Variants in COL6A5 observed in about 807,000 individuals in gnomAD.
The protein encoded by COL6A5 is collagen alpha-5(VI) chain.
A neutral mutation model predicts 65.6 loss-of-function variants in COL6A5; 48 were observed. That is an observed-to-expected ratio of 0.73 (90% CI 0.58 to 0.93). The LOEUF is 0.93. COL6A5 is among the 40% of genes least tolerant of loss of function. The probability of loss-of-function intolerance (pLI) is 0.00; values close to 1 mark genes in which losing one functional copy is unlikely to be tolerated. For missense variants in COL6A5, 914 were observed against 928.3 expected (o/e 0.98, Z 0.20); for synonymous variants, 291 against 322.8 (o/e 0.90, Z 1.05).
intron 7 of COL6A5, among the ~76,000 whole-genome samples, chr3:130,394,255 A>G (rs1056897945): frequency 6.6e-6 from 1 of 152,182 alleles, no homozygotes; most frequent in Non-Finnish European, 1.5e-5. Context: ...GCAGCAGAAA[A>G]AAAGTGCTAA....
At chr3:130,403,727 A>T (rs2107666896) in intron 13 of COL6A5, 65 bp downstream of exon 13, 1 of 1,161,958 alleles carries the variant, frequency 8.6e-7, no homozygotes, top group Non-Finnish European at 1.2e-6. Flanking sequence ...ACACACACAC[A>T]CAAACACACA....
intron 3 of COL6A5, among the ~76,000 whole-genome samples, chr3:130,443,266 C>G (rs190760852): frequency 2.6e-5 from 4 of 152,270 alleles, no homozygotes; most frequent in Non-Finnish European, 4.4e-5. Context: ...GTTTCCATGA[C>G]TCTGGTAATC....
intron 4 of COL6A5, 46 bp downstream of exon 4, chr3:130,380,096 G>T: frequency 7.5e-7 from 1 of 1,327,396 alleles, no homozygotes; most frequent in Non-Finnish European, 1.0e-6. Context: ...TAATATAAGT[G>T]GTTACCTAGG....
exon 5 of COL6A5, chr3:130,385,173 A>G: frequency 6.4e-7 from 1 of 1,551,078 alleles, no homozygotes; most frequent in Non-Finnish European, 8.7e-7. Flanking sequence ...ATGTCCACAG[A>G]CAGAGTCGTG....
exon 9 of COL6A5, chr3:130,397,838 A>G (rs565745918): frequency 3.5e-5 from 55 of 1,551,640 alleles, no homozygotes; most frequent in Admixed American, 5.9e-5. Flanking sequence ...CTGCAAGTCA[A>G]CGTCAGTGGG....
At chr3:130,475,792 T>C (rs1236353723) in intron 7 of COL6A5, among the ~76,000 whole-genome samples, 1 of 152,126 alleles carries the variant, frequency 6.6e-6, no homozygotes, top group African/African-American at 2.4e-5. Context: ...CACAGCTTGC[T>C]CATGTGAATA....
chr3:130,398,214 T>A, intron 10 of COL6A5, 103 bp downstream of exon 10: 1 of 766,252 alleles, frequency 1.3e-6, no homozygotes, highest in South Asian at 1.7e-5. Context: ...CACTGCAAGC[T>A]CCACCTTCTG....
rs761014662 is a variant in COL6A5 at position 130,376,847 on chromosome 3, C to T, written c.667+11C>T. On this transcript the variant is annotated intron_variant and NMD_transcript_variant, in intron 3 of 41. Transcript: ENST00000312481. ...ATGCTGATATGCAAGGTAAGGAAAC[C>T]CTTGGTTGAAGAGGTGCCTGATCCC... 1 of 1,596,252 alleles carries T rather than the reference C, an allele frequency of 6.3e-7. No individual in the cohort carries two copies. Among genetic ancestry groups the T allele is most frequent in the Non-Finnish European group, 8.5e-7 (1 of 1,170,846 alleles).
At chr3:130,348,493 T>C (rs539668929) in intron 1 of COL6A5, among the ~76,000 whole-genome samples, 1 of 152,344 alleles carries the variant, frequency 6.6e-6, no homozygotes, top group Admixed American at 6.5e-5. Context: ...ATGGTGTATA[T>C]GTGCCACATT....
At chr3:130,370,836 T>A (rs1326782505) in intron 1 of COL6A5, among the ~76,000 whole-genome samples, 2 of 152,184 alleles carry the variant, frequency 1.3e-5, no homozygotes, top group Non-Finnish European at 2.9e-5. Context: ...CTATTGCTAC[T>A]ATTTTGGAGC....
chr3:130,407,152 A>G (rs1476992486), intron 17 of COL6A5, among the ~76,000 whole-genome samples: 2 of 152,194 alleles, frequency 1.3e-5, no homozygotes, highest in Non-Finnish European at 2.9e-5. Context: ...AGCAAGGCAA[A>G]GATGTGGAGG....
rs1937437952 is a variant in COL6A5 at position 130,418,821 on chromosome 3, C to T, written c.4888-48C>T. On this transcript the variant is annotated intron_variant and NMD_transcript_variant, in intron 24 of 41. Coordinates refer to the COL6A5 transcript ENST00000312481. ...TGGACAGAACTTACCGTGGTAGGAACCAGGTTTGATTTTACTGATCTGAAG... is the reference window on the plus strand; with the variant it reads ...TGGACAGAACTTACCGTGGTAGGAATCAGGTTTGATTTTACTGATCTGAAG... The T allele has an allele frequency of 5.5e-6, 8 of 1,450,210 alleles. No individual in the cohort carries two copies. The East Asian group carries it at 1.7e-4, about 31-fold the overall frequency. The allele number at this position is 1,450,210 out of a possible 1,614,324, so 89.8% of individuals were successfully genotyped here. A position where few individuals can be genotyped will look rare whatever the true frequency, so the allele number is the denominator to read the frequency against.
chr3:130,359,354 A>G (rs1041600556), intron 1 of COL6A5, among the ~76,000 whole-genome samples: 2 of 152,140 alleles, frequency 1.3e-5, no homozygotes, highest in Non-Finnish European at 2.9e-5. Flanking sequence ...TGCAGGGCCA[A>G]TTTATCCATT....
intron 22 of COL6A5, among the ~76,000 whole-genome samples, chr3:130,415,012 A>G (rs2107678344): frequency 6.6e-6 from 1 of 152,052 alleles, no homozygotes; most frequent in Middle Eastern, 3.4e-3. Context: ...TACTTCAGAT[A>G]CCTCAGACAC....
intron 7 of COL6A5, among the ~76,000 whole-genome samples, chr3:130,483,599 G>T (rs1272506224): frequency 6.6e-6 from 1 of 152,156 alleles, no homozygotes; most frequent in Non-Finnish European, 1.5e-5. Context: ...GATGTTGGGA[G>T]CAAAAGCTCA....
intron 1 of COL6A5, among the ~76,000 whole-genome samples, chr3:130,437,046 G>T (rs1434223444): frequency 6.6e-6 from 1 of 152,006 alleles, no homozygotes. Flanking sequence ...CCCAAAACTT[G>T]TACAACGTAC....
chr3:130,445,238 A>C (rs4688765), intron 4 of COL6A5, among the ~76,000 whole-genome samples: 1,730 of 152,220 alleles, frequency 0.011, 35 homozygotes, highest in African/African-American at 0.039. Context: ...TTTAGAATTC[A>C]CTGTAACACT....
At chr3:130,431,166 A>ATCT, upstream of COL6A5, 1 of 665,940 alleles carries the variant, frequency 1.5e-6, no homozygotes, top group South Asian at 1.6e-5. Flanking sequence ...AGGACACAGA[A>ATCT]GAGTTCCATC....
intron 7 of COL6A5, 84 bp from the exon 41 acceptor site, chr3:130,483,951 G>A: frequency 8.8e-7 from 1 of 1,135,866 alleles, no homozygotes. Context: ...TTTTATATGT[G>A]GCATATAAAG....
Sources: gnomAD v4.1 joint callset for allele counts (sites outside exome capture counted in the v4.1 genomes callset) on GRCh38, gnomAD v4.1.1 for gene constraint, MANE v1.5 for transcripts, NCBI Gene and HGNC (gene_info 2026-07-23, HGNC 2026-07-21) for gene names.